The following CSGALNACT1 variants were observed in gnomAD, a reference collection of about 807,000 sequenced individuals.
The protein encoded by CSGALNACT1 is chondroitin sulfate N-acetylgalactosaminyltransferase 1, also known as beta4GalNAcT-1.
In CSGALNACT1, 52 loss-of-function variants were observed where a neutral mutation model predicts 51.0. That is an observed-to-expected ratio of 1.02 (90% CI 0.82 to 1.29). The LOEUF is 1.29. CSGALNACT1 is among the 50% of genes most tolerant of loss of function. CSGALNACT1 has a pLI of 0.00. For missense variants in CSGALNACT1, 935 were observed against 679.2 expected, an observed-to-expected ratio of 1.38 and a Z score of -4.19; for synonymous variants, 341 against 254.4, an observed-to-expected ratio of 1.34 and a Z score of -3.24.
chr8:19,687,625 C>G (rs572192031), intron 1 of CSGALNACT1, among the ~76,000 whole-genome samples: 7 of 152,322 alleles, frequency 4.6e-5, no homozygotes, highest in Non-Finnish European at 8.8e-5. Context: ...GAAATATCAA[C>G]CATTTCTCAC....
chr8:19,586,310 G>T (rs1460560406), intron 3 of CSGALNACT1, among the ~76,000 whole-genome samples: 1 of 150,782 alleles, frequency 6.6e-6, no homozygotes, highest in Non-Finnish European at 1.5e-5. Flanking sequence ...AGTGAGCCAA[G>T]ATCATGCCAC....
intron 3 of CSGALNACT1, among the ~76,000 whole-genome samples, chr8:19,548,154 A>G (rs1360746018): frequency 6.6e-6 from 1 of 152,230 alleles, no homozygotes; most frequent in African/African-American, 2.4e-5. Context: ...ACTAATTATT[A>G]AAGAGAGGAG....
intron 3 of CSGALNACT1, among the ~76,000 whole-genome samples, chr8:19,562,246 T>C (rs993913762): frequency 6.6e-6 from 1 of 152,198 alleles, no homozygotes; most frequent in Admixed American, 6.5e-5. Flanking sequence ...CTCTTCATGG[T>C]CATTGAAAGC....
At chr8:19,484,953 C>A (rs185438878) in intron 4 of CSGALNACT1, among the ~76,000 whole-genome samples, 130 of 152,182 alleles carry the variant, frequency 8.5e-4, no homozygotes, top group African/African-American at 3.1e-3. Flanking sequence ...TGGTCCTATG[C>A]AAGCCAAGGA....
At chr8:19,450,123 A>C (rs1363595610) in intron 5 of CSGALNACT1, among the ~76,000 whole-genome samples, 1 of 44,150 alleles carries the variant, frequency 2.3e-5, no homozygotes, top group East Asian at 7.8e-4. Flanking sequence ...AGGAGGGAGA[A>C]GAGGAGGAGG....
intron 1 of CSGALNACT1, among the ~76,000 whole-genome samples, chr8:19,689,132 T>C (rs1245883119): frequency 6.6e-6 from 1 of 152,198 alleles, no homozygotes; most frequent in Non-Finnish European, 1.5e-5. Context: ...TCCTCTGCAA[T>C]CTGGGCCAAG....
chr8:19,529,953 G>A (rs2082415553), intron 3 of CSGALNACT1, among the ~76,000 whole-genome samples: 1 of 152,080 alleles, frequency 6.6e-6, no homozygotes, highest in Admixed American at 6.6e-5. Context: ...CAACACAGTG[G>A]CTCACGCCTG....
At chr8:19,447,316 G>A (rs1469378700) in intron 5 of CSGALNACT1, among the ~76,000 whole-genome samples, 1 of 152,186 alleles carries the variant, frequency 6.6e-6, no homozygotes, top group Non-Finnish European at 1.5e-5. Context: ...GTATGGCCAG[G>A]TGGAAGGGAA....
At chr8:19,652,384 T>G (rs2057893274) in intron 1 of CSGALNACT1, among the ~76,000 whole-genome samples, 1 of 152,180 alleles carries the variant, frequency 6.6e-6, no homozygotes, top group Non-Finnish European at 1.5e-5. Context: ...ATATACAAAT[T>G]CAAATATTCA....
At chr8:19,747,218 A>G (rs1050433996) in intron 1 of CSGALNACT1, among the ~76,000 whole-genome samples, 25 of 151,972 alleles carry the variant, frequency 1.6e-4, no homozygotes, top group Admixed American at 4.6e-4. Context: ...TAATTCCTGC[A>G]GTTGGTTCAA....
chr8:19,447,181 G>A (rs967039798), intron 5 of CSGALNACT1, among the ~76,000 whole-genome samples: 1 of 152,160 alleles, frequency 6.6e-6, no homozygotes, highest in Non-Finnish European at 1.5e-5. Context: ...ACAAAAGCCA[G>A]GTTTCCTAAG....
chr8:19,496,644 G>A (rs555433018), intron 4 of CSGALNACT1, among the ~76,000 whole-genome samples: 3 of 152,334 alleles, frequency 2.0e-5, no homozygotes, highest in South Asian at 2.1e-4. Flanking sequence ...GTAGAGAGGT[G>A]AAGTCACGGA....
chr8:19,450,308 TAGGAGG>T (rs534588020), intron 5 of CSGALNACT1, among the ~76,000 whole-genome samples: 1 of 103,182 alleles, frequency 9.7e-6, no homozygotes, highest in Non-Finnish European at 2.0e-5. Flanking sequence ...GGAGGAGGAA[TAGGAGG>T]AGGAGGAGGA....
In CSGALNACT1 at chr8:19,458,897, A is replaced by T. The variant is rs200380401; in HGVS notation, c.635-255T>A. 9.8e-5 allele frequency among the ~76,000 whole-genome samples: 15 copies of T among 152,340 alleles called. No individual in the cohort carries two copies. In the East Asian group the frequency reaches 2.9e-3, roughly 29 times the overall value. On this transcript the variant is annotated intron_variant, in intron 4 of 9. Coordinates refer to ENST00000454498, the Ensembl canonical transcript of CSGALNACT1. ...GCTTGAAATGCTGGATACAAACTGT[A>T]TTCATAGGATACAGAGGCATTTGCA...
Position 19,730,246 on chromosome 8 carries a change from C to T in CSGALNACT1, c.-297+27604G>A, listed in dbSNP as rs202148830. Reference sequence around the variant, plus strand: ...ATGTCCCCGTTCCTAAATCAGAATGCTCAGAACCAACCAAGAGATCATGAA... The same window carrying T: ...ATGTCCCCGTTCCTAAATCAGAATGTTCAGAACCAACCAAGAGATCATGAA... On this transcript the variant is annotated intron_variant, in intron 1 of 1. Transcript: ENST00000517494. Among the ~76,000 whole-genome samples, 653 of 151,962 alleles carry T rather than the reference C, an allele frequency of 4.3e-3. 7 individuals carry two copies. The highest frequency in any genetic ancestry group is 0.015 in the African/African-American group (609 of 41,506).
chr8:19,433,790 T>A (rs2059983917), intron 6 of CSGALNACT1, among the ~76,000 whole-genome samples: 1 of 152,242 alleles, frequency 6.6e-6, no homozygotes, highest in South Asian at 2.1e-4. Context: ...GAGATTTTAT[T>A]TTTAGCTCTT....
chr8:19,458,074 A>T (rs953352534), intron 5 of CSGALNACT1, among the ~76,000 whole-genome samples: 6 of 152,024 alleles, frequency 3.9e-5, no homozygotes, highest in African/African-American at 7.2e-5. Context: ...CCTCCTCAAG[A>T]CTCAAGGCTG....
intron 6 of CSGALNACT1, among the ~76,000 whole-genome samples, chr8:19,425,634 G>C (rs531590847): frequency 6.6e-6 from 1 of 152,224 alleles, no homozygotes; most frequent in Admixed American, 6.5e-5. Flanking sequence ...CCTCCTCCTA[G>C]CTCTTTCCCC....
In CSGALNACT1 at chr8:19,505,843, C is replaced by G. The variant is rs764739708; in HGVS notation, c.-9G>C. 7 of 1,608,438 alleles carry G rather than the reference C, an allele frequency of 4.4e-6. No individual in the cohort carries two copies. The highest frequency in any genetic ancestry group is 5.9e-6 in the Non-Finnish European group (7 of 1,179,982). On this transcript the variant is annotated 5_prime_UTR_variant, in exon 4 of 10. An upstream open reading frame in the 5' UTR loses its in-frame stop. Coordinates refer to ENST00000454498, the Ensembl canonical transcript of CSGALNACT1. ...CGGCGAACCATCATCATTCAGGAAT[C>G]AGCCATGCGTCCAGAACCGGTGGCA...
Sources: allele counts gnomAD v4.1 joint callset (sites outside exome capture counted in the v4.1 genomes callset), GRCh38; gene constraint gnomAD v4.1.1; transcripts MANE v1.5; gene names NCBI Gene and HGNC (gene_info 2026-07-23, HGNC 2026-07-21).